SLC24A3: variants seen among roughly 807,000 people sequenced by gnomAD.
SLC24A3 encodes the protein solute carrier family 24 member 3, also known as sodium/potassium/calcium exchanger 3.
SLC24A3 carries 28 observed loss-of-function variants against 75.8 expected under a neutral mutation model. That is an observed-to-expected ratio of 0.37 (90% CI 0.27 to 0.51). The LOEUF is 0.51. Ranked by LOEUF, SLC24A3 falls within the 20% of genes least tolerant of loss-of-function variation. The pLI is 0.94. For synonymous variants in SLC24A3, 372 were observed against 334.1 expected (o/e 1.11, Z -1.24); for missense variants, 663 against 847.8 (o/e 0.78, Z 2.71).
At chr20:19,459,595 T>A (rs1362517543) in intron 2 of SLC24A3, among the ~76,000 whole-genome samples, 2 of 152,262 alleles carry the variant, frequency 1.3e-5, no homozygotes, top group Non-Finnish European at 2.9e-5. Context: ...ACCTTCATAC[T>A]ATGGAACCTT....
intron 2 of SLC24A3, among the ~76,000 whole-genome samples, chr20:19,433,551 A>G (rs1395512223): frequency 1.3e-5 from 2 of 152,234 alleles, no homozygotes; most frequent in Non-Finnish European, 2.9e-5. Flanking sequence ...CAAGATAAGG[A>G]TGAGGACACC....
intron 2 of SLC24A3, among the ~76,000 whole-genome samples, chr20:19,355,694 T>C: frequency 6.6e-6 from 1 of 152,186 alleles, no homozygotes. Flanking sequence ...ATAAACAACC[T>C]GGTGGTGAAG....
intron 2 of SLC24A3, among the ~76,000 whole-genome samples, chr20:19,379,665 C>A (rs1181645345): frequency 6.6e-6 from 1 of 152,144 alleles, no homozygotes; most frequent in Non-Finnish European, 1.5e-5. Flanking sequence ...GCTTCCACTG[C>A]ATAATAGTAT....
intron 3 of SLC24A3, among the ~76,000 whole-genome samples, chr20:19,521,852 C>T (rs1195253294): frequency 5.9e-5 from 9 of 152,118 alleles, no homozygotes; most frequent in Admixed American, 5.9e-4. Context: ...TGCAGAAGGC[C>T]CCTTCCCCAG....
intron 2 of SLC24A3, among the ~76,000 whole-genome samples, chr20:19,375,463 G>C (rs540881179): frequency 9.9e-5 from 15 of 152,276 alleles, no homozygotes; most frequent in African/African-American, 3.1e-4. Context: ...AAATGGAGGC[G>C]GGGCAGGCAG....
At chr20:19,633,330 T>A (rs1405975837) in intron 6 of SLC24A3, among the ~76,000 whole-genome samples, 1 of 152,182 alleles carries the variant, frequency 6.6e-6, no homozygotes, top group Non-Finnish European at 1.5e-5. Flanking sequence ...CTTGTACATA[T>A]CTGTGTCCAA....
intron 6 of SLC24A3, among the ~76,000 whole-genome samples, chr20:19,613,459 A>G: frequency 6.6e-6 from 1 of 152,194 alleles, no homozygotes; most frequent in East Asian, 1.9e-4. Flanking sequence ...TCTTTTCTAA[A>G]GAGTTCTTTT....
chr20:19,576,223 A>G (rs2031132434), intron 3 of SLC24A3, among the ~76,000 whole-genome samples: 1 of 152,192 alleles, frequency 6.6e-6, no homozygotes, highest in African/African-American at 2.4e-5. Context: ...TGATATTAAT[A>G]TATCCTTTGA....
intron 2 of SLC24A3, among the ~76,000 whole-genome samples, chr20:19,425,070 C>T (rs868307653): frequency 2.0e-5 from 3 of 152,046 alleles, no homozygotes; most frequent in Non-Finnish European, 2.9e-5. Flanking sequence ...TTTGGGAGGC[C>T]GAGGTGGGCA....
chr20:19,506,027 A>T (rs1425184522), intron 2 of SLC24A3, among the ~76,000 whole-genome samples: 2 of 152,228 alleles, frequency 1.3e-5, no homozygotes, highest in African/African-American at 4.8e-5. Flanking sequence ...CATCATCATC[A>T]ATCCTCATAA....
chr20:19,500,359 C>T (rs2122541547), intron 2 of SLC24A3, among the ~76,000 whole-genome samples: 2 of 152,304 alleles, frequency 1.3e-5, no homozygotes, highest in South Asian at 4.1e-4. Flanking sequence ...GGATTTGCTG[C>T]TTCTATCTTC....
chr20:19,531,853 T>A (rs1418653554), intron 3 of SLC24A3, among the ~76,000 whole-genome samples: 1 of 152,150 alleles, frequency 6.6e-6, no homozygotes, highest in Non-Finnish European at 1.5e-5. Flanking sequence ...AACACGTGGC[T>A]GTTCTGATGT....
intron 2 of SLC24A3, among the ~76,000 whole-genome samples, chr20:19,378,844 A>G (rs1250306934): frequency 1.3e-5 from 2 of 151,956 alleles, no homozygotes; most frequent in African/African-American, 4.8e-5. Context: ...ATGAAAGGGG[A>G]CAAATGCAAT....
chr20:19,226,016 G>A (rs1981858704), intron 1 of SLC24A3, among the ~76,000 whole-genome samples: 1 of 152,140 alleles, frequency 6.6e-6, no homozygotes, highest in African/African-American at 2.4e-5. Flanking sequence ...GGGGGAAAAC[G>A]TTTAGTCCTT....
At chr20:19,453,066 A>C (rs1386916594) in intron 2 of SLC24A3, among the ~76,000 whole-genome samples, 4 of 152,128 alleles carry the variant, frequency 2.6e-5, no homozygotes, top group Admixed American at 2.0e-4. Flanking sequence ...CTGTAATCCC[A>C]GCTACTCAGG....
intron 2 of SLC24A3, among the ~76,000 whole-genome samples, chr20:19,372,916 T>C (rs1212652625): frequency 1.3e-5 from 2 of 152,094 alleles, no homozygotes; most frequent in Non-Finnish European, 2.9e-5. Flanking sequence ...ACCTGTCTAA[T>C]GGAAAGTTCT....
chr20:19,499,456 C>G (rs1308721326), intron 2 of SLC24A3, among the ~76,000 whole-genome samples: 2 of 152,158 alleles, frequency 1.3e-5, no homozygotes, highest in Non-Finnish European at 2.9e-5. Context: ...GAAACAAACT[C>G]TCTCATGACT....
At chr20:19,229,272 T>C (rs1364705624) in intron 1 of SLC24A3, among the ~76,000 whole-genome samples, 1 of 152,154 alleles carries the variant, frequency 6.6e-6, no homozygotes, top group African/African-American at 2.4e-5. Context: ...TTGGTGTATT[T>C]TATCAATTTG....
At chr20:19,582,704 G>A (rs560866269) in intron 4 of SLC24A3, among the ~76,000 whole-genome samples, 3 of 152,306 alleles carry the variant, frequency 2.0e-5, no homozygotes, top group East Asian at 3.9e-4. Context: ...CGTGCAGAGA[G>A]GGTCTCCAGA....
Sources: gnomAD v4.1 joint callset for allele counts (sites outside exome capture counted in the v4.1 genomes callset) on GRCh38, gnomAD v4.1.1 for gene constraint, MANE v1.5 for transcripts, NCBI Gene and HGNC (gene_info 2026-07-23, HGNC 2026-07-21) for gene names.